SLC24A3: variants seen among roughly 807,000 people sequenced by gnomAD.
The protein encoded by SLC24A3 is sodium/potassium/calcium exchanger 3.
SLC24A3 carries 28 observed loss-of-function variants against 75.8 expected under a neutral mutation model. That is an observed-to-expected ratio of 0.37 (90% CI 0.27 to 0.51). The LOEUF is 0.51. Among genes scored for constraint, SLC24A3 ranks in the 20% least tolerant of loss-of-function variants. SLC24A3 has a pLI of 0.94. For missense variants in SLC24A3, 663 were observed against 847.8 expected (o/e 0.78, Z 2.71); for synonymous variants, 372 against 334.1 (o/e 1.11, Z -1.24).
intron 2 of SLC24A3, among the ~76,000 whole-genome samples, chr20:19,452,422 GTGT>G (rs1987502185): frequency 1.4e-5 from 2 of 144,326 alleles, no homozygotes; most frequent in South Asian, 2.2e-4. Flanking sequence ...GTGTGTGTGT[GTGT>G]TGGGGAAGTA....
intron 2 of SLC24A3, among the ~76,000 whole-genome samples, chr20:19,405,584 G>A (rs887347341): frequency 1.3e-5 from 2 of 152,158 alleles, no homozygotes; most frequent in Non-Finnish European, 2.9e-5. Context: ...AGGGAGAAGC[G>A]TAATTTCAGC....
chr20:19,515,460 G>T, intron 2 of SLC24A3, 28 bp from the exon 3 acceptor site: 1 of 1,612,444 alleles, frequency 6.2e-7, no homozygotes, highest in Non-Finnish European at 8.5e-7. Flanking sequence ...CACCTGTGCT[G>T]AGACGGTTTT....
At chr20:19,244,874 C>T (rs1259398631) in intron 1 of SLC24A3, among the ~76,000 whole-genome samples, 1 of 152,128 alleles carries the variant, frequency 6.6e-6, no homozygotes, top group African/African-American at 2.4e-5. Flanking sequence ...AAGCTGAATA[C>T]CCAAGGAGCA....
intron 8 of SLC24A3, among the ~76,000 whole-genome samples, chr20:19,669,961 G>A (rs1209516120): frequency 6.6e-6 from 1 of 152,134 alleles, no homozygotes; most frequent in African/African-American, 2.4e-5. Context: ...AGCGGGTGAG[G>A]TGTGCTCAGG....
Position 19,660,741 on chromosome 20 carries a change from G to T in SLC24A3, c.688-5123G>T, listed in dbSNP as rs548988021. The stretch of plus-strand genomic sequence containing the variant: ...TGGAAAACTTGAGGTCCTTCAGCTC[G>T]TTGTGCCCTCATTACATTTCAGCCC... On this transcript the variant is annotated intron_variant, in intron 7 of 16. Transcript: ENST00000328041. Among the ~76,000 whole-genome samples the T allele has an allele frequency of 2.8e-3, 426 of 152,056 alleles. 2 individuals carry two copies. Among genetic ancestry groups the T allele is most frequent in the Non-Finnish European group, 5.3e-3 (360 of 67,972 alleles).
chr20:19,372,327 C>A (rs2122358396), intron 2 of SLC24A3, among the ~76,000 whole-genome samples: 1 of 152,314 alleles, frequency 6.6e-6, no homozygotes, highest in East Asian at 1.9e-4. Context: ...GGAATCATTT[C>A]AAGACAAGTG....
chr20:19,658,235 T>A (rs1354938623), intron 7 of SLC24A3, among the ~76,000 whole-genome samples: 1 of 151,798 alleles, frequency 6.6e-6, no homozygotes, highest in African/African-American at 2.4e-5. Flanking sequence ...CCAGAGACGC[T>A]GATGGCTGCT....
intron 8 of SLC24A3, among the ~76,000 whole-genome samples, chr20:19,670,308 G>A (rs2032451750): frequency 6.6e-6 from 1 of 152,080 alleles, no homozygotes; most frequent in Non-Finnish European, 1.5e-5. Context: ...CGGCACAGAG[G>A]CCTCCTAGAG....
intron 9 of SLC24A3, among the ~76,000 whole-genome samples, chr20:19,677,549 C>T (rs1362830314): frequency 1.3e-5 from 2 of 152,080 alleles, no homozygotes; most frequent in African/African-American, 4.8e-5. Context: ...GTTGCCCCAT[C>T]CACACCCTAT....
intron 2 of SLC24A3, among the ~76,000 whole-genome samples, chr20:19,286,232 G>A (rs1983814525): frequency 6.6e-6 from 1 of 152,184 alleles, no homozygotes; most frequent in Non-Finnish European, 1.5e-5. Flanking sequence ...GCTATTGACT[G>A]GCCCGAAGCC....
At chr20:19,670,793 G>A (rs1467825329) in intron 8 of SLC24A3, among the ~76,000 whole-genome samples, 1 of 152,198 alleles carries the variant, frequency 6.6e-6, no homozygotes, top group African/African-American at 2.4e-5. Context: ...TTTTGCAACT[G>A]AAAATTGATG....
intron 15 of SLC24A3, among the ~76,000 whole-genome samples, chr20:19,703,971 A>G (rs144488949): frequency 4.6e-5 from 7 of 152,326 alleles, no homozygotes; most frequent in South Asian, 2.1e-4. Context: ...ACCAGATGTC[A>G]TGCCTGTGTT....
At chr20:19,575,515 GGTTCTAAAAA>G (rs1212562668) in intron 3 of SLC24A3, among the ~76,000 whole-genome samples, 1 of 152,118 alleles carries the variant, frequency 6.6e-6, no homozygotes, top group African/African-American at 2.4e-5. Flanking sequence ...CCACTCAGAG[GGTTCTAAAAA>G]GTTCCCTGGG....
chr20:19,232,151 T>G (rs1381655520), intron 1 of SLC24A3, among the ~76,000 whole-genome samples: 1 of 83,436 alleles, frequency 1.2e-5, no homozygotes, highest in East Asian at 2.5e-3. Flanking sequence ...GAGTTAAAAT[T>G]ATCTACCCTT....
At chr20:19,325,806 A>AGAGAGG in intron 2 of SLC24A3, among the ~76,000 whole-genome samples, 1 of 96,218 alleles carries the variant, frequency 1.0e-5, no homozygotes, top group Non-Finnish European at 2.0e-5. Flanking sequence ...AGAGAGAGAG[A>AGAGAGG]GAGAGAGAGA....
chr20:19,527,241 T>C (rs2030215531), intron 3 of SLC24A3, among the ~76,000 whole-genome samples: 1 of 152,222 alleles, frequency 6.6e-6, no homozygotes, highest in African/African-American at 2.4e-5. Flanking sequence ...TCCTGTAACA[T>C]GTCCTTCCCC....
chr20:19,447,318 G>A (rs1374347066), intron 2 of SLC24A3, among the ~76,000 whole-genome samples: 3 of 152,146 alleles, frequency 2.0e-5, no homozygotes, highest in South Asian at 2.1e-4. Flanking sequence ...GGTGAGGGAC[G>A]GGCGTGGTGT....
chr20:19,488,377 T>C (rs919459644), intron 2 of SLC24A3, among the ~76,000 whole-genome samples: 2 of 152,218 alleles, frequency 1.3e-5, no homozygotes, highest in African/African-American at 2.4e-5. Context: ...GGGAATCCTT[T>C]ATACTGGAAA....
chr20:19,709,379 CA>C lies in SLC24A3; in HGVS notation c.1720-8148del, dbSNP rs1401585923. Among the ~76,000 whole-genome samples the C allele has an allele frequency of 7.2e-5, 11 of 152,186 alleles. No individual in the cohort carries two copies. In the East Asian group the frequency reaches 2.1e-3, roughly 30 times the overall value. On this transcript the variant is annotated intron_variant, in intron 15 of 16. Transcript: ENST00000328041. The stretch of plus-strand genomic sequence containing the variant: ...GGGTGAGTACTGCTGGCAGCTGCTG[CA>C]GGGGCATCTGTGATTCTTAAAGTTC...
Sources: gnomAD v4.1 joint callset for allele counts (sites outside exome capture counted in the v4.1 genomes callset) on GRCh38, gnomAD v4.1.1 for gene constraint, MANE v1.5 for transcripts, NCBI Gene and HGNC (gene_info 2026-07-23, HGNC 2026-07-21) for gene names.